The following CDC27 variants were observed in gnomAD, a reference collection of about 807,000 sequenced individuals.
The protein encoded by CDC27 is cell division cycle protein 27 homolog.
In CDC27, 27 loss-of-function variants were observed where a neutral mutation model predicts 109.7. The observed-to-expected ratio is 0.25, with a 90% CI of 0.18 to 0.34. The LOEUF (loss-of-function observed/expected upper bound fraction) is 0.34, where lower values mean the gene tolerates loss of function less well. Among genes scored for constraint, CDC27 ranks in the 10% least tolerant of loss-of-function variants. The pLI is 1.00. For synonymous variants in CDC27, 266 were observed against 333.9 expected (o/e 0.80, Z 2.22); for missense variants, 579 against 960.2 (o/e 0.60, Z 5.25).
intron 9 of CDC27, among the ~76,000 whole-genome samples, chr17:47,146,372 C>CT (rs2062959257): frequency 6.6e-6 from 1 of 152,192 alleles, no homozygotes; most frequent in Admixed American, 6.5e-5. Flanking sequence ...TTGTTGGGGA[C>CT]TGTGATCTTA....
intron 14 of CDC27, among the ~76,000 whole-genome samples, chr17:47,134,474 GT>G (rs112150744): frequency 2.7e-5 from 4 of 146,852 alleles, no homozygotes; most frequent in African/African-American, 5.1e-5. Flanking sequence ...ATGCCTAATT[GT>G]TTTTTTTTTG....
intron 14 of CDC27, among the ~76,000 whole-genome samples, chr17:47,133,405 TG>T (rs1053595691): frequency 1.4e-5 from 2 of 139,232 alleles, no homozygotes; most frequent in African/African-American, 5.4e-5. Context: ...CCCAAAGTGC[TG>T]GGACTACAGG....
Position 47,179,820 on chromosome 17 carries a change from G to C in CDC27, c.103+1742C>G, listed in dbSNP as rs138199294. Among the ~76,000 whole-genome samples, 755 of 152,278 alleles carry C rather than the reference G, an allele frequency of 5.0e-3. 9 individuals carry two copies. The highest frequency in any genetic ancestry group is 0.017 in the African/African-American group (724 of 41,550). On this transcript the variant is annotated intron_variant, in intron 2 of 18. Coordinates refer to ENST00000066544, the MANE Select transcript of CDC27 (RefSeq NM_001256.6). ...AACGTGGATTAAACAGCTTTATGTG[G>C]ACTAATCTGGGAATCTTGCCACCAA...
chr17:47,149,179 G>A (rs2063074088), intron 9 of CDC27, among the ~76,000 whole-genome samples: 4 of 149,696 alleles, frequency 2.7e-5, no homozygotes, highest in Admixed American at 2.0e-4. Flanking sequence ...ATCCACAAAA[G>A]CTGAAAAAAT....
At chr17:47,142,855 T>G (rs1044423507) in intron 10 of CDC27, among the ~76,000 whole-genome samples, 1 of 152,196 alleles carries the variant, frequency 6.6e-6, no homozygotes, top group South Asian at 2.1e-4. Flanking sequence ...ATTTTTATTT[T>G]GGAAGAGACT....
intron 2 of CDC27, among the ~76,000 whole-genome samples, chr17:47,176,695 G>A (rs1470058191): frequency 6.6e-6 from 1 of 152,184 alleles, no homozygotes; most frequent in Non-Finnish European, 1.5e-5. Flanking sequence ...GAGGGGAAAA[G>A]GAACAGGCAG....
At chr17:47,171,821 G>T in intron 3 of CDC27, 96 bp downstream of exon 3, 1 of 759,158 alleles carries the variant, frequency 1.3e-6, no homozygotes, top group Non-Finnish European at 2.1e-6. Flanking sequence ...GGAAAACAGG[G>T]AAGAAAGGGA....
chr17:47,188,847 C>G, intron 1 of CDC27: 1 of 1,286,590 alleles, frequency 7.8e-7, no homozygotes, highest in Non-Finnish European at 9.9e-7. Context: ...CTCCCACCCC[C>G]AGTCAAGCCA....
At chr17:47,142,475 G>A (rs1468243921) in intron 10 of CDC27, 39 bp from the exon 11 acceptor site, 3 of 811,746 alleles carry the variant, frequency 3.7e-6, no homozygotes, top group African/African-American at 1.7e-5. Flanking sequence ...TTATACTCAT[G>A]TATTTTAGAT....
At chr17:47,126,615 G>A (rs1164687246) in intron 16 of CDC27, among the ~76,000 whole-genome samples, 1 of 152,144 alleles carries the variant, frequency 6.6e-6, no homozygotes, top group Non-Finnish European at 1.5e-5. Flanking sequence ...GCTGATTTAT[G>A]TGGCCTATCT....
rs892181001 is a variant in CDC27, at chr17:47,157,318, G to C, written c.542C>G (p.Pro181Arg). The change falls in exon 6 of 19, where the codon CCC becomes CGC. Residue 181 changes from proline (P) to arginine (R), a missense_variant. Coordinates refer to ENST00000066544, the MANE Select transcript of CDC27 (RefSeq NM_001256.6). The stretch of plus-strand genomic sequence containing the variant: ...AGGTACTTGTGTTGTGCAAGAGTTG[G>C]GCAGACAGTTGCTAAAGTTCTGTAA... ...TSLQNFSNCL[P>R]NSCTTQVPNH... 1.2e-6 allele frequency: 2 copies of C among 1,612,836 alleles called. No individual in the cohort carries two copies. Among genetic ancestry groups the C allele is most frequent in the East Asian group, 2.2e-5 (1 of 44,864 alleles).
intron 18 of CDC27, 80 bp downstream of exon 18, chr17:47,122,364 A>G (rs2062006222): frequency 2.0e-6 from 2 of 1,024,128 alleles, no homozygotes; most frequent in South Asian, 4.7e-5. Context: ...GGTTAGAAAA[A>G]TAAAATAAAA....
chr17:47,128,658 A>G (rs1271393482), intron 16 of CDC27, among the ~76,000 whole-genome samples: 1 of 152,208 alleles, frequency 6.6e-6, no homozygotes, highest in Non-Finnish European at 1.5e-5. Context: ...AAAGCAGGAA[A>G]GATGATTGCT....
chr17:47,177,066 C>T (rs1266609026), intron 2 of CDC27, among the ~76,000 whole-genome samples: 2 of 152,030 alleles, frequency 1.3e-5, no homozygotes, highest in South Asian at 2.1e-4. Context: ...TTGATACACC[C>T]GATGCAATCT....
chr17:47,173,784 T>C (rs2063891237), intron 2 of CDC27, among the ~76,000 whole-genome samples: 1 of 152,216 alleles, frequency 6.6e-6, no homozygotes, highest in African/African-American at 2.4e-5. Flanking sequence ...ATTGGTGATT[T>C]AGGCAAAACT....
At chr17:47,178,809 CG>C (rs148216483) in intron 2 of CDC27, among the ~76,000 whole-genome samples, 31 of 148,918 alleles carry the variant, frequency 2.1e-4, no homozygotes, top group Admixed American at 4.7e-4. Flanking sequence ...TTCCTTTTTC[CG>C]TTTTTTTTTT....
Position 47,120,764 on chromosome 17 carries a change from C to T in CDC27, c.*171G>A. 2 of 523,504 alleles carry T rather than the reference C, an allele frequency of 3.8e-6. No homozygotes were observed. The highest frequency in any genetic ancestry group is 6.9e-6 in the Non-Finnish European group (2 of 290,984). 32.4% of individuals were successfully genotyped at this position (523,504 alleles called of 1,614,324 possible). On this transcript the variant is annotated 3_prime_UTR_variant, in exon 19 of 19. Coordinates refer to ENST00000066544, the MANE Select transcript of CDC27 (RefSeq NM_001256.6). ...CAGTCTTGTTAGCAGCTAAATATTG[C>T]ACTGCCTTTCATTCTGTATACAGTC...
chr17:47,124,090 T>C (rs2062056723), intron 16 of CDC27, 130 bp from the exon 17 acceptor site: 2 of 595,858 alleles, frequency 3.4e-6, no homozygotes, highest in Non-Finnish European at 5.8e-6. Flanking sequence ...TACTTCCTTA[T>C]TGTATTAGTT....
chr17:47,132,691 G>C (rs1208246977), intron 14 of CDC27, among the ~76,000 whole-genome samples: 1 of 149,618 alleles, frequency 6.7e-6, no homozygotes, highest in East Asian at 2.0e-4. Context: ...TCAGCCTCCA[G>C]AGTAGCTGAG....
Sources: gnomAD v4.1 joint callset for allele counts (sites outside exome capture counted in the v4.1 genomes callset) on GRCh38, gnomAD v4.1.1 for gene constraint, MANE v1.5 for transcripts, NCBI Gene and HGNC (gene_info 2026-07-23, HGNC 2026-07-21) for gene names.